The following CRMP1 variants were observed in gnomAD, a reference collection of about 807,000 sequenced individuals.
CRMP1 encodes the protein collapsin response mediator protein 1, also known as dihydropyrimidinase-related protein 1.
A neutral mutation model predicts 68.3 loss-of-function variants in CRMP1; 19 were observed. That is an observed-to-expected ratio of 0.28 (90% CI 0.19 to 0.41). CRMP1 has a LOEUF of 0.41. Among genes scored for constraint, CRMP1 ranks in the 10% least tolerant of loss-of-function variants. CRMP1 has a pLI of 1.00. For synonymous variants in CRMP1, 439 were observed against 399.6 expected (o/e 1.10, Z -1.18); for missense variants, 791 against 967.4 (o/e 0.82, Z 2.42).
chr4:5,877,884 G>A lies in CRMP1; in HGVS notation c.382-11128C>T, dbSNP rs1400614523. On this transcript the variant is annotated intron_variant, in intron 1 of 13. Transcript: ENST00000324989. This position sits in a 1 kb window ranked among gnomAD's most constrained non-coding sequence, Gnocchi z 4.3. ...CAGCACACCTCTGTCACAACCCTAA[G>A]AGTGGGCAGGGCCTGCACGCTGCAT... Among the ~76,000 whole-genome samples the A allele has an allele frequency of 6.6e-6, 1 of 152,220 alleles. No homozygotes were observed. The highest frequency in any genetic ancestry group is 1.5e-5 in the Non-Finnish European group (1 of 68,042).
intron 1 of CRMP1, among the ~76,000 whole-genome samples, chr4:5,878,729 T>C (rs1715021130): frequency 1.3e-5 from 2 of 152,130 alleles, no homozygotes; most frequent in Admixed American, 1.3e-4. Context: ...GTGCTTCTGT[T>C]TCTCATCAAA....
In CRMP1 at chr4:5,866,074, G is replaced by A. The variant is rs1435617308; in HGVS notation, c.470+594C>T. 1.3e-5 allele frequency among the ~76,000 whole-genome samples: 2 copies of A among 152,138 alleles called. No homozygotes were observed. Among genetic ancestry groups the A allele is most frequent in the East Asian group, 1.9e-4 (1 of 5,188 alleles). On this transcript the variant is annotated intron_variant, in intron 2 of 13. Coordinates refer to ENST00000324989, the MANE Select transcript of CRMP1 (RefSeq NM_001014809.3). This position sits in a 1 kb window ranked among gnomAD's most constrained non-coding sequence, Gnocchi z 5.9. ...CACCCAGCCTGTGGCATTCCATTCC[G>A]GCAGCCAGCGCTGGCTAAGACACCT...
In CRMP1 at chr4:5,879,147, C is replaced by A. The variant is rs182960146; in HGVS notation, c.382-12391G>T. Among the ~76,000 whole-genome samples, 1 of 150,426 alleles carries A rather than the reference C, an allele frequency of 6.6e-6. No homozygotes were observed. The highest frequency in any genetic ancestry group is 1.9e-4 in the East Asian group (1 of 5,156). On this transcript the variant is annotated intron_variant, in intron 1 of 13. Coordinates refer to ENST00000324989, the MANE Select transcript of CRMP1 (RefSeq NM_001014809.3). The surrounding 1 kb of genome is among the most constrained non-coding windows in gnomAD (Gnocchi z 4.2). Reference sequence around the variant, plus strand: ...CAAAGCTCACCTCCTAGGCTCTTCCCGGCCTGAGCCCGGCCCTCTCTCGGC... The same window carrying A: ...CAAAGCTCACCTCCTAGGCTCTTCCAGGCCTGAGCCCGGCCCTCTCTCGGC...
At chr4:5,830,694 T>G (rs1288272412) in intron 11 of CRMP1, among the ~76,000 whole-genome samples, 1 of 152,226 alleles carries the variant, frequency 6.6e-6, no homozygotes, top group African/African-American at 2.4e-5. Flanking sequence ...CCAAACTGTT[T>G]GGTTTATTGC....
chr4:5,828,609 G>A lies in CRMP1; in HGVS notation c.1683C>T (p.Ile561=). The change falls in exon 12 of 14, where the codon ATC becomes ATT. Residue 561 remains isoleucine, a synonymous_variant. Transcript: ENST00000324989. ...CTTCAAAGACGATCTTGCCCTGGCT[G>A]ATGACCACTAGTGGGGAGCCGTGGC... The part of the protein sequence containing the change: ...MECHGSPLVV[I]SQGKIVFEDG... 2 of 1,614,202 alleles carry A rather than the reference G, an allele frequency of 1.2e-6. No homozygotes were observed. The highest frequency in any genetic ancestry group is 8.5e-7 in the Non-Finnish European group (1 of 1,180,036).
intron 6 of CRMP1, among the ~76,000 whole-genome samples, chr4:5,847,718 A>G (rs988007039): frequency 7.2e-5 from 11 of 152,218 alleles, no homozygotes; most frequent in African/African-American, 2.7e-4. Context: ...GCGCTCTGGA[A>G]CTAGAGGGAA....
chr4:5,830,879 G>T (rs980969547), intron 11 of CRMP1, among the ~76,000 whole-genome samples: 3 of 152,198 alleles, frequency 2.0e-5, no homozygotes, highest in African/African-American at 7.2e-5. Flanking sequence ...AGATTAGAAA[G>T]AATTGATATG....
Position 5,888,901 on chromosome 4 carries a change from G to A in CRMP1, c.381+3688C>T, listed in dbSNP as rs901858692. 6.6e-6 allele frequency among the ~76,000 whole-genome samples: 1 copy of A among 151,884 alleles called. No homozygotes were observed. Among genetic ancestry groups the A allele is most frequent in the Non-Finnish European group, 1.5e-5 (1 of 67,936 alleles). ...GCTGGGAACGTTCTTGTCCCTCCAGGATCGCGCCCAAGGACCGCTCCCCTC... is the reference window on the plus strand; with the variant it reads ...GCTGGGAACGTTCTTGTCCCTCCAGAATCGCGCCCAAGGACCGCTCCCCTC... On this transcript the variant is annotated intron_variant, in intron 1 of 13. Coordinates refer to ENST00000324989, the MANE Select transcript of CRMP1 (RefSeq NM_001014809.3). This position sits in a 1 kb window ranked among gnomAD's most constrained non-coding sequence, Gnocchi z 6.4.
rs2152473037 is a variant in CRMP1, at chr4:5,877,283, G to C, written c.382-10527C>G. The stretch of plus-strand genomic sequence containing the variant: ...CAGAGTCTAGAGGGGGTGTTTGTTA[G>C]GCAGCATCATCGCATCAAAGCAAAT... On this transcript the variant is annotated intron_variant, in intron 1 of 13. Transcript: ENST00000324989. This position sits in a 1 kb window ranked among gnomAD's most constrained non-coding sequence, Gnocchi z 4.3. Among the ~76,000 whole-genome samples the C allele has an allele frequency of 6.6e-6, 1 of 152,334 alleles. No homozygotes were observed. The highest frequency in any genetic ancestry group is 1.9e-4 in the East Asian group (1 of 5,194).
Position 5,879,429 on chromosome 4 carries a change from T to G in CRMP1, c.382-12673A>C, listed in dbSNP as rs551507228. Among the ~76,000 whole-genome samples, 1 of 152,352 alleles carries G rather than the reference T, an allele frequency of 6.6e-6. No individual in the cohort carries two copies. The highest frequency in any genetic ancestry group is 2.1e-4 in the South Asian group (1 of 4,828). ...ATGACACTCATTTTCCAGCTCATTG[T>G]AATATATCTTATTTCCCCCATGAGA... On this transcript the variant is annotated intron_variant, in intron 1 of 13. Coordinates refer to ENST00000324989, the MANE Select transcript of CRMP1 (RefSeq NM_001014809.3). The surrounding 1 kb of genome is among the most constrained non-coding windows in gnomAD (Gnocchi z 4.2).
chr4:5,865,392 C>T lies in CRMP1; in HGVS notation c.470+1276G>A, dbSNP rs112311786. The stretch of plus-strand genomic sequence containing the variant: ...ATCCCAGCACTTTGGGAGGCCGAGG[C>T]GAGCGGATCACGAGGTCAGGAGATC... On this transcript the variant is annotated intron_variant, in intron 2 of 13. Coordinates refer to ENST00000324989, the MANE Select transcript of CRMP1 (RefSeq NM_001014809.3). This position sits in a 1 kb window ranked among gnomAD's most constrained non-coding sequence, Gnocchi z 4.1. Among the ~76,000 whole-genome samples, 1 of 151,976 alleles carries T rather than the reference C, an allele frequency of 6.6e-6. No homozygotes were observed. The highest frequency in any genetic ancestry group is 1.5e-5 in the Non-Finnish European group (1 of 67,984).
intron 2 of CRMP1, among the ~76,000 whole-genome samples, chr4:5,864,110 A>C (rs530128361): frequency 6.6e-6 from 1 of 152,182 alleles, no homozygotes. Flanking sequence ...ATGTTGACAC[A>C]TAACAGCAGG....
chr4:5,863,131 A>T (rs6446400), intron 2 of CRMP1, among the ~76,000 whole-genome samples: 67,191 of 139,848 alleles, frequency 0.48, 16,901 homozygotes, highest in East Asian at 0.74. Context: ...TTTTTTTTTT[A>T]AAGAAACAGG....
rs1388962890 is a variant in CRMP1 at position 5,865,544 on chromosome 4, C to T, written c.470+1124G>A. Among the ~76,000 whole-genome samples, 1 of 151,298 alleles carries T rather than the reference C, an allele frequency of 6.6e-6. No individual in the cohort carries two copies. Among genetic ancestry groups the T allele is most frequent in the African/African-American group, 2.4e-5 (1 of 41,128 alleles). ...GCTGAGGCAGGGGAGTCGATTGAACCCGGGAAGTGGAGGTTGCAGTGAGCC... is the reference window on the plus strand; with the variant it reads ...GCTGAGGCAGGGGAGTCGATTGAACTCGGGAAGTGGAGGTTGCAGTGAGCC... On this transcript the variant is annotated intron_variant, in intron 2 of 13. Coordinates refer to ENST00000324989, the MANE Select transcript of CRMP1 (RefSeq NM_001014809.3). This position sits in a 1 kb window ranked among gnomAD's most constrained non-coding sequence, Gnocchi z 4.1.
Position 5,858,520 on chromosome 4 carries a change from C to T in CRMP1, c.656-2213G>A, listed in dbSNP as rs1266514538. ...CATGCCCCCGTGTGTGACCCAGCAC[C>T]GAAGGCTGTTGACTGGCCTCCTCCA... On this transcript the variant is annotated intron_variant, in intron 3 of 13. Transcript: ENST00000324989. The surrounding 1 kb of genome is among the most constrained non-coding windows in gnomAD (Gnocchi z 5.5). 1.3e-5 allele frequency among the ~76,000 whole-genome samples: 2 copies of T among 152,132 alleles called. No individual in the cohort carries two copies. The highest frequency in any genetic ancestry group is 6.5e-5 in the Admixed American group (1 of 15,280).
intron 1 of CRMP1, among the ~76,000 whole-genome samples, chr4:5,885,525 G>T (rs967075081): frequency 6.6e-6 from 1 of 152,184 alleles, no homozygotes; most frequent in Non-Finnish European, 1.5e-5. Context: ...CGGTTGCCCT[G>T]GGAAGCAGAG....
rs1714564543 is a variant in CRMP1, at chr4:5,872,986, T to C, written c.382-6230A>G. Among the ~76,000 whole-genome samples, 1 of 152,244 alleles carries C rather than the reference T, an allele frequency of 6.6e-6. No homozygotes were observed. Among genetic ancestry groups the C allele is most frequent in the Non-Finnish European group, 1.5e-5 (1 of 68,040 alleles). ...TAATTGGCTCTGCGTCCTAGGCATG[T>C]ATTTGAAGTGCTTACTCAGCCCAGG... On this transcript the variant is annotated intron_variant, in intron 1 of 13. Transcript: ENST00000324989. This position sits in a 1 kb window ranked among gnomAD's most constrained non-coding sequence, Gnocchi z 4.6.
intron 1 of CRMP1, among the ~76,000 whole-genome samples, chr4:5,875,290 C>A (rs902731782): frequency 4.0e-5 from 6 of 151,826 alleles, no homozygotes; most frequent in Non-Finnish European, 7.4e-5. Flanking sequence ...AGGCATTAAA[C>A]CTCCCCGGGT....
At chr4:5,873,645 G>C (rs1008294729) in intron 1 of CRMP1, among the ~76,000 whole-genome samples, 1 of 152,146 alleles carries the variant, frequency 6.6e-6, no homozygotes, top group Non-Finnish European at 1.5e-5. Flanking sequence ...ATCCGCCCCA[G>C]TGATTCAATC....
Sources: gnomAD v4.1 joint callset for allele counts (sites outside exome capture counted in the v4.1 genomes callset) on GRCh38, gnomAD v4.1.1 for gene constraint, Gnocchi (gnomAD v3.1) non-coding constraint, MANE v1.5 for transcripts, NCBI Gene and HGNC (gene_info 2026-07-23, HGNC 2026-07-21) for gene names.